Variants in FCHSD2 observed in about 807,000 individuals in gnomAD.
FCHSD2 encodes the protein FCH and double SH3 domains 2.
Under a neutral mutation model 108.1 loss-of-function variants are expected in FCHSD2, and 38 were observed. The observed-to-expected ratio is 0.35, with a 90% CI of 0.27 to 0.46. FCHSD2 has a LOEUF of 0.46. Ranked by LOEUF, FCHSD2 falls within the 20% of genes least tolerant of loss-of-function variation. The pLI is 1.00. For missense variants in FCHSD2, 751 were observed against 897.8 expected (o/e 0.84, Z 2.09); for synonymous variants, 279 against 314.7 (o/e 0.89, Z 1.20).
At chr11:72,936,689 C>T (rs1856307908) in intron 8 of FCHSD2, among the ~76,000 whole-genome samples, 2 of 152,186 alleles carry the variant, frequency 1.3e-5, no homozygotes, top group Non-Finnish European at 2.9e-5. Context: ...CTTCTGCCAA[C>T]TTAACTTTGC....
At chr11:72,908,859 G>T (rs1012418203) in intron 9 of FCHSD2, among the ~76,000 whole-genome samples, 3 of 151,988 alleles carry the variant, frequency 2.0e-5, no homozygotes, top group African/African-American at 4.8e-5. Flanking sequence ...TCACCATGTT[G>T]CCCAGGCTGG....
chr11:73,108,070 C>G (rs747974370), intron 2 of FCHSD2, among the ~76,000 whole-genome samples: 1 of 152,192 alleles, frequency 6.6e-6, no homozygotes, highest in East Asian at 1.9e-4. Flanking sequence ...ACATCCTTGC[C>G]GGTGTTTGTT....
At chr11:73,102,131 C>T (rs1860240193) in intron 2 of FCHSD2, among the ~76,000 whole-genome samples, 1 of 152,136 alleles carries the variant, frequency 6.6e-6, no homozygotes, top group Admixed American at 6.5e-5. Context: ...TGAAAAGATG[C>T]TTAACATCAC....
intron 3 of FCHSD2, among the ~76,000 whole-genome samples, chr11:73,035,609 T>G (rs1385256835): frequency 6.6e-6 from 1 of 152,152 alleles, no homozygotes; most frequent in Non-Finnish European, 1.5e-5. Flanking sequence ...GCTTAATACC[T>G]TCATCTATTC....
intron 3 of FCHSD2, among the ~76,000 whole-genome samples, chr11:73,080,295 TCAAA>T (rs1859652174): frequency 2.7e-5 from 2 of 75,054 alleles, no homozygotes; most frequent in South Asian, 4.0e-4. Context: ...AGACCCTGTC[TCAAA>T]AAAAAAAAAA....
At chr11:72,926,000 C>T (rs1210303283) in intron 8 of FCHSD2, among the ~76,000 whole-genome samples, 1 of 152,218 alleles carries the variant, frequency 6.6e-6, no homozygotes, top group Non-Finnish European at 1.5e-5. Context: ...GGAAGGGCCC[C>T]CTGCCCCTGT....
At chr11:73,091,797 T>C (rs1394608922) in intron 2 of FCHSD2, among the ~76,000 whole-genome samples, 1 of 152,084 alleles carries the variant, frequency 6.6e-6, no homozygotes, top group African/African-American at 2.4e-5. Flanking sequence ...CCCAGTACTT[T>C]GGGAGGCCGA....
At chr11:73,029,344 C>G (rs983657164) in intron 3 of FCHSD2, among the ~76,000 whole-genome samples, 1 of 152,124 alleles carries the variant, frequency 6.6e-6, no homozygotes. Context: ...GCGGCAAGAT[C>G]GGTTTGATGC....
intron 11 of FCHSD2, 80 bp from the exon 12 acceptor site, chr11:72,887,654 T>C: frequency 1.1e-6 from 1 of 921,546 alleles, no homozygotes; most frequent in Non-Finnish European, 1.6e-6. Flanking sequence ...TTTACATAAT[T>C]CAAAGGGCTT....
At chr11:72,894,337 G>C (rs10898889) in intron 10 of FCHSD2, among the ~76,000 whole-genome samples, 32,304 of 151,934 alleles carry the variant, frequency 0.21, 3,671 homozygotes, top group Middle Eastern at 0.32. Flanking sequence ...TTGAGGCCAG[G>C]AGTTTGAGAC....
chr11:73,062,216 G>A lies in FCHSD2; in HGVS notation c.165+21479C>T, dbSNP rs527673570. Reference sequence around the variant, plus strand: ...AACTTCAGCAGACCTGCAGCAGAGGGGCCTGTCAGAAGGAAAACTAACAAA... The same window carrying A: ...AACTTCAGCAGACCTGCAGCAGAGGAGCCTGTCAGAAGGAAAACTAACAAA... On this transcript the variant is annotated intron_variant, in intron 3 of 19. Coordinates refer to ENST00000409418, the MANE Select transcript of FCHSD2 (RefSeq NM_014824.3). Among the ~76,000 whole-genome samples, 338 of 152,266 alleles carry A rather than the reference G, an allele frequency of 2.2e-3. 1 individual carries two copies. The highest frequency in any genetic ancestry group is 7.7e-3 in the African/African-American group (321 of 41,536).
intron 3 of FCHSD2, among the ~76,000 whole-genome samples, chr11:73,026,291 G>A (rs1049621963): frequency 6.6e-6 from 1 of 152,072 alleles, no homozygotes; most frequent in Non-Finnish European, 1.5e-5. Flanking sequence ...ACAGATAAAT[G>A]AAATATTCTG....
intron 2 of FCHSD2, among the ~76,000 whole-genome samples, chr11:73,099,144 G>A (rs879644378): frequency 1.8e-4 from 28 of 152,130 alleles, no homozygotes; most frequent in African/African-American, 4.8e-4. Flanking sequence ...GAGCCCAGGC[G>A]TTCCAGGTTG....
chr11:73,070,488 AC>A (rs1859408433), intron 3 of FCHSD2, among the ~76,000 whole-genome samples: 1 of 152,004 alleles, frequency 6.6e-6, no homozygotes, highest in Non-Finnish European at 1.5e-5. Flanking sequence ...CAGTGGCACG[AC>A]CTTGGCTCAC....
chr11:73,129,542 G>A (rs1022756990), intron 2 of FCHSD2, among the ~76,000 whole-genome samples: 34 of 152,314 alleles, frequency 2.2e-4, no homozygotes, highest in African/African-American at 6.5e-4. Context: ...AATGCCTGAT[G>A]ATCTGTCACT....
At chr11:73,053,638 C>A (rs1387592207) in intron 3 of FCHSD2, among the ~76,000 whole-genome samples, 1 of 152,048 alleles carries the variant, frequency 6.6e-6, no homozygotes, top group East Asian at 1.9e-4. Context: ...TAGCAAAAAG[C>A]AAATCTATGT....
chr11:73,130,686 CA>C (rs1255857363), intron 2 of FCHSD2, among the ~76,000 whole-genome samples: 3 of 152,054 alleles, frequency 2.0e-5, no homozygotes, highest in Admixed American at 6.6e-5. Context: ...TGGTCTGTGA[CA>C]AAAAAAGTTT....
intron 12 of FCHSD2, among the ~76,000 whole-genome samples, chr11:72,885,992 G>A (rs1461785904): frequency 6.6e-6 from 1 of 152,142 alleles, no homozygotes; most frequent in East Asian, 1.9e-4. Flanking sequence ...CCATGGGGCT[G>A]TACCAAAAAC....
intron 3 of FCHSD2, among the ~76,000 whole-genome samples, chr11:73,058,330 CAAT>C (rs1483934673): frequency 6.6e-6 from 1 of 152,032 alleles, no homozygotes. Flanking sequence ...GTATATATAC[CAAT>C]ATTCTAACAA....
Sources: gnomAD v4.1 joint callset for allele counts (sites outside exome capture counted in the v4.1 genomes callset) on GRCh38, gnomAD v4.1.1 for gene constraint, MANE v1.5 for transcripts, NCBI Gene and HGNC (gene_info 2026-07-23, HGNC 2026-07-21) for gene names.